Variants in G3BP2 observed in about 807,000 individuals in gnomAD.
The protein encoded by G3BP2 is ras GTPase-activating protein-binding protein 2.
A neutral mutation model predicts 56.7 loss-of-function variants in G3BP2; 11 were observed. That is an observed-to-expected ratio of 0.19 (90% CI 0.12 to 0.32). G3BP2 has a LOEUF of 0.32. Ranked by LOEUF, G3BP2 falls within the 10% of genes least tolerant of loss-of-function variation. The probability of loss-of-function intolerance (pLI) is 1.00; values close to 1 mark genes in which losing one functional copy is unlikely to be tolerated. For missense variants in G3BP2, 340 were observed against 610.9 expected (o/e 0.56, Z 4.67); for synonymous variants, 165 against 191.6 (o/e 0.86, Z 1.15).
intron 3 of G3BP2, among the ~76,000 whole-genome samples, chr4:75,694,098 G>C (rs1324565603): frequency 6.6e-6 from 1 of 152,144 alleles, no homozygotes; most frequent in Non-Finnish European, 1.5e-5. Flanking sequence ...TAGATGTTCA[G>C]TAACTATTTA....
chr4:75,698,223 G>A (rs1358017321), intron 3 of G3BP2, among the ~76,000 whole-genome samples: 2 of 152,162 alleles, frequency 1.3e-5, no homozygotes, highest in East Asian at 3.9e-4. Context: ...GGAGACAAGA[G>A]TGTTAATGTT....
chr4:75,695,954 A>T (rs550787107), intron 3 of G3BP2, among the ~76,000 whole-genome samples: 82 of 146,126 alleles, frequency 5.6e-4, no homozygotes, highest in African/African-American at 2.0e-3. Context: ...AGACTGGGCC[A>T]CAAGAGTGAA....
At chr4:75,716,401 T>C (rs1408846816) in intron 3 of G3BP2, among the ~76,000 whole-genome samples, 2 of 152,150 alleles carry the variant, frequency 1.3e-5, no homozygotes, top group African/African-American at 4.8e-5. Flanking sequence ...TCTCAAACTC[T>C]TGAGCTCAGG....
chr4:75,687,420 A>G (rs1394617354), intron 3 of G3BP2, among the ~76,000 whole-genome samples: 1 of 152,156 alleles, frequency 6.6e-6, no homozygotes, highest in Non-Finnish European at 1.5e-5. Flanking sequence ...GTGGAACTGT[A>G]AGTCCGCTGA....
At chr4:75,701,251 A>G (rs7691765) in intron 3 of G3BP2, among the ~76,000 whole-genome samples, 133,376 of 152,286 alleles carry the variant, frequency 0.88, 58,429 homozygotes, top group East Asian at 0.91. Flanking sequence ...TCTGGACTCC[A>G]CAAATAATAT....
intron 3 of G3BP2, among the ~76,000 whole-genome samples, chr4:75,679,467 A>T (rs1390710011): frequency 6.6e-6 from 1 of 152,226 alleles, no homozygotes; most frequent in Non-Finnish European, 1.5e-5. Context: ...AATCATTGTG[A>T]GTGTGTAAAA....
intron 1 of G3BP2, among the ~76,000 whole-genome samples, chr4:75,665,639 AC>A (rs1222986469): frequency 2.1e-4 from 6 of 29,184 alleles, no homozygotes; most frequent in African/African-American, 5.4e-4. Context: ...ACACACACAC[AC>A]ACAAACACAC....
intron 8 of G3BP2, among the ~76,000 whole-genome samples, chr4:75,653,088 C>CT (rs990948581): frequency 6.6e-6 from 1 of 150,456 alleles, no homozygotes; most frequent in Non-Finnish European, 1.5e-5. Flanking sequence ...CACGCATTGC[C>CT]TGAATACCCA....
At chr4:75,693,556 C>T (rs986785697) in intron 3 of G3BP2, among the ~76,000 whole-genome samples, 8 of 151,922 alleles carry the variant, frequency 5.3e-5, no homozygotes, top group African/African-American at 1.9e-4. Context: ...TTTGGGAGGC[C>T]AAAGCGGGTG....
chr4:75,679,788 G>A (rs528260274), intron 3 of G3BP2, among the ~76,000 whole-genome samples: 204 of 152,164 alleles, frequency 1.3e-3, no homozygotes, highest in Non-Finnish European at 2.3e-3. Flanking sequence ...GAATTCTAAC[G>A]GATTCCATTT....
chr4:75,723,593 CCT>C (rs1347850960), intron 1 of G3BP2, among the ~76,000 whole-genome samples: 1 of 152,184 alleles, frequency 6.6e-6, no homozygotes, highest in Non-Finnish European at 1.5e-5. Context: ...TTCCCAGCTT[CCT>C]CTGTCTAGCT....
At chr4:75,651,045 C>T (rs1731667114) in intron 8 of G3BP2, among the ~76,000 whole-genome samples, 1 of 152,162 alleles carries the variant, frequency 6.6e-6, no homozygotes, top group Non-Finnish European at 1.5e-5. Flanking sequence ...GAGACCACCG[C>T]TATCTGTATT....
intron 11 of G3BP2, among the ~76,000 whole-genome samples, chr4:75,645,954 G>C (rs1314544566): frequency 6.6e-6 from 1 of 152,104 alleles, no homozygotes; most frequent in Non-Finnish European, 1.5e-5. Flanking sequence ...GGGATTATAG[G>C]TGTCTACCAC....
chr4:75,643,297 A>C lies in G3BP2; in HGVS notation c.*2133T>G, dbSNP rs11097044. Reference sequence around the variant, plus strand: ...AGGGCAATATCCTGAATTGGAAATTATATATATATATATATATATGGAAAC... The same window carrying C: ...AGGGCAATATCCTGAATTGGAAATTCTATATATATATATATATATGGAAAC... On this transcript the variant is annotated 3_prime_UTR_variant, in exon 12 of 12. Coordinates refer to ENST00000359707, the MANE Select transcript of G3BP2 (RefSeq NM_203505.3). 1 of 71,606 alleles carries C rather than the reference A, an allele frequency of 1.4e-5. No homozygotes were observed. The highest frequency in any genetic ancestry group is 3.2e-5 in the Non-Finnish European group (1 of 30,988). 4.4% of individuals were successfully genotyped at this position (71,606 alleles called of 1,614,324 possible).
rs992217765 is a variant in G3BP2 at position 75,655,641 on chromosome 4, A to G, written c.545+127T>C. On this transcript the variant is annotated intron_variant, in intron 6 of 11. Coordinates refer to ENST00000359707, the MANE Select transcript of G3BP2 (RefSeq NM_203505.3). ...TCCAAATTTCTTGCATATACACAAT[A>G]GGTACTCAAATACTGACATAATAGG... is the stretch of plus-strand genomic sequence containing the variant. The G allele has an allele frequency of 8.0e-6, 5 of 622,644 alleles. No individual in the cohort carries two copies. The African/African-American group carries it at 9.2e-5, about 11-fold the overall frequency. The allele number at this position is 622,644 out of a possible 1,614,324, so 38.6% of individuals were successfully genotyped here. A position where few individuals can be genotyped will look rare whatever the true frequency, so the allele number is the denominator to read the frequency against.
intron 1 of G3BP2, 52 bp from the exon 2 acceptor site, chr4:75,662,101 C>G (rs1056318996): frequency 9.6e-6 from 10 of 1,038,922 alleles, no homozygotes; most frequent in African/African-American, 1.6e-5. Context: ...TTGTCATCAA[C>G]CACCATGAAA....
At chr4:75,699,545 C>T (rs759861526) in intron 3 of G3BP2, among the ~76,000 whole-genome samples, 5 of 152,218 alleles carry the variant, frequency 3.3e-5, no homozygotes, top group Non-Finnish European at 7.3e-5. Flanking sequence ...GTTTCTTACT[C>T]ACATGTAAAC....
At chr4:75,667,551 G>A (rs545353314) in intron 1 of G3BP2, among the ~76,000 whole-genome samples, 1 of 152,202 alleles carries the variant, frequency 6.6e-6, no homozygotes, top group South Asian at 2.1e-4. Flanking sequence ...TCTATACACA[G>A]TCAAAGCTCT....
At chr4:75,682,174 T>C (rs1279499278) in intron 3 of G3BP2, among the ~76,000 whole-genome samples, 1 of 152,144 alleles carries the variant, frequency 6.6e-6, no homozygotes, top group Non-Finnish European at 1.5e-5. Context: ...CCCAGCACTT[T>C]GGGAGGCCGA....
Sources: gnomAD v4.1 joint callset for allele counts (sites outside exome capture counted in the v4.1 genomes callset) on GRCh38, gnomAD v4.1.1 for gene constraint, MANE v1.5 for transcripts, NCBI Gene and HGNC (gene_info 2026-07-23, HGNC 2026-07-21) for gene names.